C13orf46: variants seen among roughly 807,000 people sequenced by gnomAD.
The protein encoded by C13orf46 is uncharacterized protein C13orf46.
downstream of C13orf46, among the ~76,000 whole-genome samples, chr13:113,953,470 C>T (rs1010886439): frequency 3.9e-5 from 6 of 152,220 alleles, no homozygotes; most frequent in East Asian, 9.7e-4. Flanking sequence ...GTGACCCCCA[C>T]CCCACCAGAC....
rs1398082532 is a variant in C13orf46, at chr13:113,953,866, A to G, written c.*2907T>C. ...CAGTTGGAGGCCGCAACTGAGTCAC[A>G]CCCAACTGCCCGGCAGCCTGTCCAG... On this transcript the variant is annotated 3_prime_UTR_variant, in exon 7 of 7. Transcript: ENST00000636427. The G allele has an allele frequency of 6.6e-6, 1 of 152,104 alleles. No individual in the cohort carries two copies. Among genetic ancestry groups the G allele is most frequent in the African/African-American group, 2.4e-5 (1 of 41,392 alleles). 9.4% of individuals were successfully genotyped at this position (152,104 alleles called of 1,614,324 possible). A position where few individuals can be genotyped will look rare whatever the true frequency, so the allele number is the denominator to read the frequency against.
chr13:113,927,506 C>T, the C13orf46 span: 6 of 398,630 alleles, frequency 1.5e-5, no homozygotes, highest in Non-Finnish European at 2.7e-5. Context: ...TGCTGAAGGC[C>T]ACATCGATGC....
chr13:113,947,230 G>A, the C13orf46 span, among the ~76,000 whole-genome samples: 1 of 152,196 alleles, frequency 6.6e-6, no homozygotes, highest in Non-Finnish European at 1.5e-5. Context: ...CTTCCACACC[G>A]TGGCTCCAGG....
chr13:113,963,010 A>C (rs999075664), intron 6 of C13orf46, among the ~76,000 whole-genome samples: 11 of 152,196 alleles, frequency 7.2e-5, no homozygotes, highest in African/African-American at 2.7e-4. Context: ...CCCTGGAGAC[A>C]TAAAAATCTG....
the C13orf46 span, among the ~76,000 whole-genome samples, chr13:113,931,350 C>T: frequency 1.8e-4 from 28 of 152,318 alleles, no homozygotes; most frequent in African/African-American, 5.8e-4. Context: ...TTCCCTTGTG[C>T]GGACACAACT....
chr13:113,945,295 C>T, the C13orf46 span, among the ~76,000 whole-genome samples: 4 of 152,090 alleles, frequency 2.6e-5, no homozygotes, highest in Admixed American at 1.3e-4. Context: ...GGTCTTCTCC[C>T]AGCACTTTAA....
the C13orf46 span, among the ~76,000 whole-genome samples, chr13:113,931,036 G>A: frequency 2.0e-5 from 3 of 152,188 alleles, no homozygotes; most frequent in Non-Finnish European, 4.4e-5. Context: ...GGAGGGACCC[G>A]GGGTTCTTGT....
chr13:113,934,721 T>C, the C13orf46 span, among the ~76,000 whole-genome samples: 7 of 152,218 alleles, frequency 4.6e-5, no homozygotes, highest in African/African-American at 1.4e-4. Context: ...GCTCCACGCA[T>C]ACACACTGGA....
intron 5 of C13orf46, among the ~76,000 whole-genome samples, chr13:113,965,679 G>A (rs2052629217): frequency 8.8e-6 from 1 of 114,024 alleles, no homozygotes; most frequent in African/African-American, 2.8e-5. Flanking sequence ...TAATGGTGAT[G>A]GTGATGATGA....
chr13:113,964,199 G>C (rs2052615351), intron 6 of C13orf46, among the ~76,000 whole-genome samples: 1 of 152,212 alleles, frequency 6.6e-6, no homozygotes, highest in Admixed American at 6.5e-5. Context: ...AAAAAAATCT[G>C]TAAGAAATCA....
At chr13:113,931,575 G>A in the C13orf46 span, among the ~76,000 whole-genome samples, 11 of 152,128 alleles carry the variant, frequency 7.2e-5, no homozygotes, top group Middle Eastern at 3.2e-3. Flanking sequence ...GCTGTTTCTC[G>A]GAAGTAACTC....
At chr13:113,962,949 A>G (rs1472125348) in intron 6 of C13orf46, among the ~76,000 whole-genome samples, 1 of 152,236 alleles carries the variant, frequency 6.6e-6, no homozygotes, top group Non-Finnish European at 1.5e-5. Flanking sequence ...AAAGAGGCAG[A>G]GACTCTGCTG....
intron 6 of C13orf46, among the ~76,000 whole-genome samples, chr13:113,961,900 A>C (rs1203796470): frequency 6.9e-6 from 1 of 144,166 alleles, no homozygotes; most frequent in African/African-American, 2.6e-5. Flanking sequence ...GGAACTATGA[A>C]CTGTGCAGAG....
chr13:113,953,658 C>G (rs1594240305), downstream of C13orf46: 1 of 152,384 alleles, frequency 6.6e-6, no homozygotes. Flanking sequence ...GCCAGCATAC[C>G]CAGAATGAGG....
the C13orf46 span, among the ~76,000 whole-genome samples, chr13:113,932,075 T>G: frequency 6.6e-6 from 1 of 152,210 alleles, no homozygotes; most frequent in African/African-American, 2.4e-5. Flanking sequence ...TGTAATTATT[T>G]TGAGATTCAT....
the C13orf46 span, among the ~76,000 whole-genome samples, chr13:113,929,073 C>T: frequency 6.6e-6 from 1 of 152,244 alleles, no homozygotes; most frequent in African/African-American, 2.4e-5. Flanking sequence ...GGGAGAGAAG[C>T]TGGCACAGCC....
chr13:113,951,788 GTGC>G (rs1296238756), downstream of C13orf46, among the ~76,000 whole-genome samples: 9 of 152,226 alleles, frequency 5.9e-5, no homozygotes, highest in African/African-American at 1.9e-4. Flanking sequence ...ACGTAGAGAT[GTGC>G]TGAACTCGAC....
At chr13:113,972,753 C>A (rs2052722220) in intron 1 of C13orf46, among the ~76,000 whole-genome samples, 1 of 152,236 alleles carries the variant, frequency 6.6e-6, no homozygotes, top group African/African-American at 2.4e-5. Context: ...AGGCCCAGAG[C>A]TCCTGGCAGG....
At chr13:113,933,234 T>C in the C13orf46 span, among the ~76,000 whole-genome samples, 2 of 152,158 alleles carry the variant, frequency 1.3e-5, no homozygotes, top group African/African-American at 2.4e-5. Flanking sequence ...TTTTGTTGCT[T>C]ATGGGTGTCC....
Sources: gnomAD v4.1 joint callset for allele counts (sites outside exome capture counted in the v4.1 genomes callset) on GRCh38, gnomAD v4.1.1 for gene constraint, MANE v1.5 for transcripts, NCBI Gene and HGNC (gene_info 2026-07-23, HGNC 2026-07-21) for gene names.